The following SLC7A1 variants were observed in gnomAD, a reference collection of about 807,000 sequenced individuals.
The protein encoded by SLC7A1 is solute carrier family 7 member 1, also known as high affinity cationic amino acid transporter 1.
In SLC7A1, 10 loss-of-function variants were observed where a neutral mutation model predicts 53.9. That is an observed-to-expected ratio of 0.19 (90% CI 0.11 to 0.31). The LOEUF (loss-of-function observed/expected upper bound fraction) is 0.31, where lower values mean the gene tolerates loss of function less well. Among genes scored for constraint, SLC7A1 ranks in the 10% least tolerant of loss-of-function variants. SLC7A1 has a pLI of 1.00. For missense variants in SLC7A1, 525 were observed against 827.2 expected, an observed-to-expected ratio of 0.63 and a Z score of 4.48; for synonymous variants, 342 against 338.7, an observed-to-expected ratio of 1.01 and a Z score of -0.11.
At chr13:29,568,999 T>G (rs1452559187) in intron 1 of SLC7A1, among the ~76,000 whole-genome samples, 1 of 152,206 alleles carries the variant, frequency 6.6e-6, no homozygotes, top group African/African-American at 2.4e-5. Flanking sequence ...CCAGTCACTT[T>G]GATTCCATTT....
chr13:29,514,964 G>A (rs1482508116), intron 12 of SLC7A1, among the ~76,000 whole-genome samples: 2 of 152,198 alleles, frequency 1.3e-5, no homozygotes, highest in Non-Finnish European at 2.9e-5. Flanking sequence ...CGCAGGTGCT[G>A]GAGGTCTCCA....
chr13:29,567,700 T>C (rs1871029177), intron 1 of SLC7A1, among the ~76,000 whole-genome samples: 1 of 152,036 alleles, frequency 6.6e-6, no homozygotes, highest in Non-Finnish European at 1.5e-5. Flanking sequence ...AGTGCGGCAG[T>C]TCTAAAGAAG....
At chr13:29,568,618 G>A (rs974693679) in intron 1 of SLC7A1, among the ~76,000 whole-genome samples, 4 of 152,346 alleles carry the variant, frequency 2.6e-5, no homozygotes, top group Non-Finnish European at 5.9e-5. Context: ...TCTAGTCCAG[G>A]AGCTGACACA....
At chr13:29,552,322 G>T (rs1870237973) in intron 2 of SLC7A1, among the ~76,000 whole-genome samples, 1 of 151,912 alleles carries the variant, frequency 6.6e-6, no homozygotes, top group South Asian at 2.1e-4. Flanking sequence ...AAATATCAAT[G>T]ATAATGATGA....
chr13:29,519,016 A>G (rs1868500268), intron 9 of SLC7A1, among the ~76,000 whole-genome samples: 1 of 152,206 alleles, frequency 6.6e-6, no homozygotes, highest in South Asian at 2.1e-4. Flanking sequence ...CTCCAGCCAC[A>G]GCGCAACGAA....
intron 7 of SLC7A1, among the ~76,000 whole-genome samples, chr13:29,522,799 T>C (rs1196340223): frequency 2.0e-5 from 3 of 152,254 alleles, no homozygotes; most frequent in Non-Finnish European, 2.9e-5. Context: ...CATCACTGCA[T>C]TCATGAAGAT....
At chr13:29,556,254 G>T (rs1870435760) in intron 1 of SLC7A1, among the ~76,000 whole-genome samples, 1 of 151,712 alleles carries the variant, frequency 6.6e-6, no homozygotes, top group African/African-American at 2.4e-5. Flanking sequence ...TCTTCTCACT[G>T]ATTTTTTTTT....
chr13:29,591,082 C>T (rs1872089000), intron 1 of SLC7A1, among the ~76,000 whole-genome samples: 1 of 152,116 alleles, frequency 6.6e-6, no homozygotes, highest in Non-Finnish European at 1.5e-5. Context: ...TGCACTCCAG[C>T]CTGGGTGACA....
chr13:29,594,241 ACTAGT>A (rs1268582514), intron 1 of SLC7A1, among the ~76,000 whole-genome samples: 1 of 152,280 alleles, frequency 6.6e-6, no homozygotes, highest in East Asian at 1.9e-4. Context: ...ACACAATTCT[ACTAGT>A]CGAATGTAAG....
At chr13:29,531,080 C>A (rs946049160) in intron 4 of SLC7A1, among the ~76,000 whole-genome samples, 9 of 152,132 alleles carry the variant, frequency 5.9e-5, no homozygotes, top group Admixed American at 5.2e-4. Context: ...TAAAAGGATG[C>A]GTTGCTGGGA....
Position 29,566,795 on chromosome 13 carries a change from C to G in SLC7A1, c.-114-12935G>C, listed in dbSNP as rs147896895. On this transcript the variant is annotated intron_variant, in intron 1 of 12. Transcript: ENST00000380752. ...TAAAACTATTTTTTGTAAAAAAAGTCAAGAGGAGCCCTATCCAAAGGGACC... is the reference window on the plus strand; with the variant it reads ...TAAAACTATTTTTTGTAAAAAAAGTGAAGAGGAGCCCTATCCAAAGGGACC... Among the ~76,000 whole-genome samples, 525 of 152,242 alleles carry G rather than the reference C, an allele frequency of 3.4e-3. 4 individuals carry two copies. Among genetic ancestry groups the G allele is most frequent in the African/African-American group, 0.012 (492 of 41,550 alleles).
chr13:29,541,418 A>G (rs1869661372), intron 2 of SLC7A1, among the ~76,000 whole-genome samples: 1 of 152,230 alleles, frequency 6.6e-6, no homozygotes, highest in Non-Finnish European at 1.5e-5. Flanking sequence ...AGGACAGGTC[A>G]TAACTGACCT....
intron 12 of SLC7A1, 24 bp from the exon 13 acceptor site, chr13:29,514,607 G>A (rs775427413): frequency 1.2e-5 from 18 of 1,563,818 alleles, no homozygotes; most frequent in Non-Finnish European, 1.6e-5. Context: ...GCAGAGACGG[G>A]CGTGAACAGA....
chr13:29,514,899 T>G (rs1318203531), intron 12 of SLC7A1, among the ~76,000 whole-genome samples: 1 of 152,180 alleles, frequency 6.6e-6, no homozygotes, highest in African/African-American at 2.4e-5. Flanking sequence ...AGCCCCCTGA[T>G]GCCCCCGGAG....
At position 29,514,406 on chromosome 13, in the gene SLC7A1, A is replaced by C; in HGVS notation, c.*74T>G. ...GGTGGTTTCTGTTGCACTGGTGGGG[A>C]GGGTGGGGTGCCTCCCGGTCCTCTG... On this transcript the variant is annotated 3_prime_UTR_variant, in exon 13 of 13. Coordinates refer to ENST00000380752, the MANE Select transcript of SLC7A1 (RefSeq NM_003045.5). 1 of 1,050,962 alleles carries C rather than the reference A, an allele frequency of 9.5e-7. No homozygotes were observed. The highest frequency in any genetic ancestry group is 2.7e-4 in the Middle Eastern group (1 of 3,768). The allele number at this position is 1,050,962 out of a possible 1,614,324, so 65.1% of individuals were successfully genotyped here.
intron 1 of SLC7A1, among the ~76,000 whole-genome samples, chr13:29,560,871 T>C (rs910691756): frequency 6.6e-6 from 1 of 152,100 alleles, no homozygotes; most frequent in Non-Finnish European, 1.5e-5. Flanking sequence ...CCCCAAAATA[T>C]CAGAAAACAT....
chr13:29,510,444 G>A lies in SLC7A1; in HGVS notation c.*4036C>T, dbSNP rs754671917. The A allele has an allele frequency of 5.2e-5, 8 of 152,500 alleles. No individual in the cohort carries two copies. The highest frequency in any genetic ancestry group is 1.0e-4 in the Non-Finnish European group (7 of 68,048). 9.4% of individuals were successfully genotyped at this position (152,500 alleles called of 1,614,324 possible). On this transcript the variant is annotated 3_prime_UTR_variant, in exon 13 of 13. Coordinates refer to ENST00000380752, the MANE Select transcript of SLC7A1 (RefSeq NM_003045.5). The stretch of plus-strand genomic sequence containing the variant: ...AAGGTCCCCAGGAGCCTGGCAGAAT[G>A]TACATCTCCCTCTCCCTTCAGAGCC...
At chr13:29,541,466 T>C (rs1446473745) in intron 2 of SLC7A1, among the ~76,000 whole-genome samples, 1 of 152,150 alleles carries the variant, frequency 6.6e-6, no homozygotes, top group Non-Finnish European at 1.5e-5. Context: ...CTGAGTCTGG[T>C]ACAATGGTAG....
At chr13:29,527,513 A>G (rs576444271) in intron 5 of SLC7A1, among the ~76,000 whole-genome samples, 2 of 152,316 alleles carry the variant, frequency 1.3e-5, no homozygotes, top group South Asian at 4.1e-4. Context: ...AACCTTTTAC[A>G]TGCGTGTGGC....
Sources: gnomAD v4.1 joint callset for allele counts (sites outside exome capture counted in the v4.1 genomes callset) on GRCh38, gnomAD v4.1.1 for gene constraint, MANE v1.5 for transcripts, NCBI Gene and HGNC (gene_info 2026-07-23, HGNC 2026-07-21) for gene names.